The following ADAM28 variants were observed in gnomAD, a reference collection of about 807,000 sequenced individuals.
The protein encoded by ADAM28 is ADAM metallopeptidase domain 28, also known as disintegrin and metalloproteinase domain-containing protein 28.
Under a neutral mutation model 101.2 loss-of-function variants are expected in ADAM28, and 105 were observed. That is an observed-to-expected ratio of 1.04 (90% confidence interval 0.89 to 1.22). The LOEUF (loss-of-function observed/expected upper bound fraction) is 1.22, where lower values mean the gene tolerates loss of function less well. Ranked by LOEUF, ADAM28 falls within the 50% of genes most tolerant of loss-of-function variation. ADAM28 has a pLI of 0.00. For synonymous variants in ADAM28, 322 were observed against 310.6 expected (o/e 1.04, Z -0.39); for missense variants, 1,028 against 945.4 (o/e 1.09, Z -1.15).
chr8:24,341,590 T>G lies in ADAM28; in HGVS notation c.1671-8T>G, dbSNP rs1331265946. On this transcript the variant is annotated splice_region_variant and splice_polypyrimidine_tract_variant and intron_variant, in intron 15 of 22. Coordinates refer to ENST00000265769, the MANE Select transcript of ADAM28 (RefSeq NM_014265.6). ...GAATCCTGCAATACATTTTGGCTTT[T>G]TCCTCAGTGATACCATGTGTGGGAA... 6.2e-7 allele frequency: 1 copy of G among 1,608,690 alleles called. No individual in the cohort carries two copies. The highest frequency in any genetic ancestry group is 8.5e-7 in the Non-Finnish European group (1 of 1,176,754).
chr8:24,343,237 C>A, intron 17 of ADAM28, 56 bp downstream of exon 17: 1 of 1,569,712 alleles, frequency 6.4e-7, no homozygotes, highest in South Asian at 1.1e-5. Context: ...CATTCTAGGT[C>A]AGTCATAAGA....
rs1238088857 is a variant in ADAM28, at chr8:24,343,526, G to C, written c.1932G>C (p.Gln644His). The C allele has an allele frequency of 4.3e-6, 7 of 1,613,796 alleles. No homozygotes were observed. In the African/African-American group the frequency reaches 6.7e-5, roughly 15 times the overall value. The change falls in exon 18 of 23, where the codon CAG becomes CAC. Residue 644 changes from glutamine to histidine, a missense_variant. Coordinates refer to ENST00000265769, the MANE Select transcript of ADAM28 (RefSeq NM_014265.6). Reference protein sequence around the residue: ...KGHAVCDHELQCQCEEGWIPP... With the variant: ...KGHAVCDHELHCQCEEGWIPP... ...CCTAGGTGTGTGACCATGAGCTCCAGTGTCAATGTGAGGAAGGATGGATCC... is the reference window on the plus strand; with the variant it reads ...CCTAGGTGTGTGACCATGAGCTCCACTGTCAATGTGAGGAAGGATGGATCC...
chr8:24,346,986 A>G (rs1384475701), intron 18 of ADAM28: 1 of 152,198 alleles, frequency 6.6e-6, no homozygotes, highest in Admixed American at 6.5e-5. Context: ...TGTTACATCC[A>G]TGAACATACC....
chr8:24,353,673 G>A (rs1329231180), intron 21 of ADAM28, 97 bp from the exon 22 acceptor site: 1 of 851,132 alleles, frequency 1.2e-6, no homozygotes, highest in South Asian at 1.6e-5. Context: ...GAGTGAAGAA[G>A]AGCTAGGAAA....
intron 16 of ADAM28, chr8:24,342,866 T>C (rs768665102): frequency 8.4e-6 from 5 of 593,972 alleles, no homozygotes; most frequent in Non-Finnish European, 1.4e-5. Context: ...GGATATACAG[T>C]TGTTTGGATT....
chr8:24,321,461 ATTAATACCACAAACCAACACTT>A, intron 8 of ADAM28, 172 bp downstream of exon 8: 1 of 660,332 alleles, frequency 1.5e-6, no homozygotes, highest in East Asian at 2.8e-5. Context: ...GAACATGAAT[ATTAATACCACAAACCAACACTT>A]TTCTTATTTA....
At chr8:24,335,425 T>C in intron 13 of ADAM28, 21 bp from the exon 14 acceptor site, 1 of 1,580,746 alleles carries the variant, frequency 6.3e-7, no homozygotes, top group Non-Finnish European at 8.6e-7. Context: ...TAAAAAGCCT[T>C]CTATTTTTGT....
chr8:24,328,587 A>G (rs1397068896), intron 10 of ADAM28, among the ~76,000 whole-genome samples: 1 of 152,078 alleles, frequency 6.6e-6, no homozygotes, highest in Non-Finnish European at 1.5e-5. Flanking sequence ...GGAAGTAAAA[A>G]CCATTCTAGG....
chr8:24,336,089 G>A (rs1460396888), intron 14 of ADAM28: 2 of 988,542 alleles, frequency 2.0e-6, no homozygotes, highest in African/African-American at 1.8e-5. Flanking sequence ...TGTGGGATGG[G>A]ACAGAAATAA....
chr8:24,313,724 A>T, intron 6 of ADAM28, 144 bp downstream of exon 6: 1 of 838,148 alleles, frequency 1.2e-6, no homozygotes, highest in Non-Finnish European at 1.8e-6. Flanking sequence ...GCTAGACATT[A>T]ATGATTCATT....
At position 24,335,434 on chromosome 8, in the gene ADAM28, G is replaced by T. The variant is rs1204045188; in HGVS notation, c.1372-12G>T. 1 of 1,587,110 alleles carries T rather than the reference G, an allele frequency of 6.3e-7. No homozygotes were observed. The highest frequency in any genetic ancestry group is 1.1e-5 in the South Asian group (1 of 87,052). ...GGAGAATAAAAAGCCTTCTATTTTT[G>T]TTTTTCTACAGTTTAAAAAGGCTGG... On this transcript the variant is annotated splice_polypyrimidine_tract_variant and intron_variant, in intron 13 of 22. Transcript: ENST00000265769.
In ADAM28 at chr8:24,352,042, C is replaced by T; in HGVS notation, c.2234C>T (p.Pro745Leu). The T allele has an allele frequency of 1.2e-6, 2 of 1,613,742 alleles. No individual in the cohort carries two copies. Among genetic ancestry groups the T allele is most frequent in the Non-Finnish European group, 1.7e-6 (2 of 1,179,738 alleles). Residue 745 changes from proline to leucine, a missense_variant, in exon 21 of 23, where the codon CCA becomes CTA. Coordinates refer to ENST00000265769, the MANE Select transcript of ADAM28 (RefSeq NM_014265.6). ...CTGCCAGTAGAAGGCAATGAGCCCC[C>T]AGCCTCTTTTGTGAGTTAGCAACTT... is the stretch of plus-strand genomic sequence containing the variant. ...YDLPVEGNEP[P>L]ASFHKDTNAL...
Position 24,299,991 on chromosome 8 carries a change from C to T in ADAM28, c.64C>T (p.Leu22Phe). Residue 22 changes from leucine (L) to phenylalanine (F), a missense_variant, in exon 2 of 23, where the codon CTC becomes TTC. By Grantham distance (22) the Leu-to-Phe change is conservative. Coordinates refer to ENST00000265769, the MANE Select transcript of ADAM28 (RefSeq NM_014265.6). Reference sequence around the variant, plus strand: ...TTTCTCAGTAAGTGCTATAAAAGAACTCCCTGGGGTGAAGAAGTATGAAGT... The same window carrying T: ...TTTCTCAGTAAGTGCTATAAAAGAATTCCCTGGGGTGAAGAAGTATGAAGT... ...LSVAVSAIKE[L>F]PGVKKYEVVY... 1 of 1,612,436 alleles carries T rather than the reference C, an allele frequency of 6.2e-7. No individual in the cohort carries two copies. Among genetic ancestry groups the T allele is most frequent in the South Asian group, 1.1e-5 (1 of 90,970 alleles).
intron 6 of ADAM28, among the ~76,000 whole-genome samples, chr8:24,315,117 C>T (rs1810993142): frequency 6.6e-6 from 1 of 151,696 alleles, no homozygotes; most frequent in Non-Finnish European, 1.5e-5. Flanking sequence ...TTAAATTTTC[C>T]AATCAAAAGA....
At position 24,349,897 on chromosome 8, in the gene ADAM28, T is replaced by C. The variant is rs1815862417; in HGVS notation, c.2024T>C (p.Met675Thr). Residue 675 changes from methionine to threonine, a missense_variant, in exon 19 of 23, where the codon ATG becomes ACG. Met to Thr is a moderately conservative substitution (Grantham distance 81, BLOSUM62 -1). Transcript: ENST00000265769. Reference sequence around the variant, plus strand: ...ATTGTGGTTGGGGTGCTGTTCCCAATGGCGGTCATTTTTGTGGTGGTTGCT... The same window carrying C: ...ATTGTGGTTGGGGTGCTGTTCCCAACGGCGGTCATTTTTGTGGTGGTTGCT... ...FSIVVGVLFP[M>T]AVIFVVVAMV... 1.9e-6 allele frequency: 3 copies of C among 1,613,738 alleles called. No individual in the cohort carries two copies. The African/African-American group carries it at 4.0e-5, about 22-fold the overall frequency.
chr8:24,332,863 T>C, intron 13 of ADAM28, 114 bp downstream of exon 13: 1 of 521,900 alleles, frequency 1.9e-6, no homozygotes. Context: ...TATAAAATGA[T>C]ATATTTACTA....
intron 8 of ADAM28, 82 bp downstream of exon 8, chr8:24,321,371 A>G (rs553468365): frequency 2.6e-6 from 3 of 1,161,840 alleles, no homozygotes; most frequent in African/African-American, 3.0e-5. Flanking sequence ...CACATGAAGC[A>G]TGGAAGCAAA....
chr8:24,348,314 A>G (rs76892913), intron 18 of ADAM28, among the ~76,000 whole-genome samples: 1 of 151,912 alleles, frequency 6.6e-6, no homozygotes, highest in Non-Finnish European at 1.5e-5. Context: ...ATACCCAGCA[A>G]CTCCCACTCC....
rs975951564 is a variant in ADAM28 at position 24,357,342 on chromosome 8, G to A, written c.*2938G>A. On this transcript the variant is annotated 3_prime_UTR_variant, in exon 23 of 23. Coordinates refer to ENST00000265769, the MANE Select transcript of ADAM28 (RefSeq NM_014265.6). ...GAGAACAAACATTTTCTATTAGTCT[G>A]TTTTCACATGGCTATAAAGAATACC... 2.0e-5 allele frequency: 3 copies of A among 152,168 alleles called. No homozygotes were observed. The highest frequency in any genetic ancestry group is 4.4e-5 in the Non-Finnish European group (3 of 68,032). The allele number at this position is 152,168 out of a possible 1,614,324, so 9.4% of individuals were successfully genotyped here.
Sources: gnomAD v4.1 joint callset for allele counts (sites outside exome capture counted in the v4.1 genomes callset) on GRCh38, gnomAD v4.1.1 for gene constraint, MANE v1.5 for transcripts, NCBI Gene and HGNC (gene_info 2026-07-23, HGNC 2026-07-21) for gene names.